The following MARCHF9 variants were observed in gnomAD, a reference collection of about 807,000 sequenced individuals.
The protein encoded by MARCHF9 is membrane associated ring-CH-type finger 9, also known as E3 ubiquitin-protein ligase MARCHF9.
A neutral mutation model predicts 35.2 loss-of-function variants in MARCHF9; 17 were observed. The ratio of observed to expected loss-of-function variants is 0.48; its 90% CI spans 0.33 to 0.72. MARCHF9 has a LOEUF of 0.72. Ranked by LOEUF, MARCHF9 falls within the 30% of genes least tolerant of loss-of-function variation. MARCHF9 has a pLI of 0.02. For missense variants in MARCHF9, 386 were observed against 478.2 expected (o/e 0.81, Z 1.80); for synonymous variants, 183 against 207.4 (o/e 0.88, Z 1.01).
chr12:57,757,727 G>T, intron 2 of MARCHF9: 2 of 530,620 alleles, frequency 3.8e-6, no homozygotes, highest in East Asian at 3.1e-5. Context: ...GTCAAGTTTT[G>T]GTGTGTATTA....
At position 57,758,050 on chromosome 12, in the gene MARCHF9, C is replaced by A. The variant is rs759095726; in HGVS notation, c.514-58C>A. The A allele has an allele frequency of 2.5e-6, 4 of 1,583,956 alleles. No individual in the cohort carries two copies. The highest frequency in any genetic ancestry group is 3.5e-6 in the Non-Finnish European group (4 of 1,152,958). On this transcript the variant is annotated intron_variant, in intron 2 of 3. Transcript: ENST00000266643. The surrounding 1 kb of genome is among the most constrained non-coding windows in gnomAD (Gnocchi z 5.4). ...GGAGCACCCTGCTCTTCAGGGCCACCCATCACCTGGCCCTCCATCCCTTTC... is the reference window on the plus strand; with the variant it reads ...GGAGCACCCTGCTCTTCAGGGCCACACATCACCTGGCCCTCCATCCCTTTC...
Position 57,758,886 on chromosome 12 carries a change from A to G in MARCHF9, c.1030A>G (p.Thr344Ala). 1 of 1,593,090 alleles carries G rather than the reference A, an allele frequency of 6.3e-7. No individual in the cohort carries two copies. The highest frequency in any genetic ancestry group is 8.6e-7 in the Non-Finnish European group (1 of 1,166,494). The change falls in exon 4 of 4, where the codon ACT (threonine) becomes GCT (alanine). Residue 344 changes from threonine (T) to alanine (A), a missense_variant. This residue lies in a region of MARCHF9 where 111 missense variants were observed against 112.4 expected (regional missense o/e 0.99). Transcript: ENST00000266643. The surrounding 1 kb of genome is among the most constrained non-coding windows in gnomAD (Gnocchi z 5.4). Reference sequence around the variant, plus strand: ...TGGCCGAGAGGTTGTCATGAGGGTCACTACAGTCTGAACTGGACTCCAGGA... The same window carrying G: ...TGGCCGAGAGGTTGTCATGAGGGTCGCTACAGTCTGAACTGGACTCCAGGA... ...HSGREVVMRVTTV is the reference protein window; with the variant it reads ...HSGREVVMRVATV
chr12:57,758,899 C>T lies in MARCHF9; in HGVS notation c.*2C>T, dbSNP rs779837575. ...GTCATGAGGGTCACTACAGTCTGAACTGGACTCCAGGAGCAGGGATCTTGA... is the reference window on the plus strand; with the variant it reads ...GTCATGAGGGTCACTACAGTCTGAATTGGACTCCAGGAGCAGGGATCTTGA... On this transcript the variant is annotated 3_prime_UTR_variant, in exon 4 of 4. Transcript: ENST00000266643. The surrounding 1 kb of genome is among the most constrained non-coding windows in gnomAD (Gnocchi z 5.4). 1.9e-6 allele frequency: 3 copies of T among 1,575,698 alleles called. No homozygotes were observed. Among genetic ancestry groups the T allele is most frequent in the Non-Finnish European group, 1.7e-6 (2 of 1,156,728 alleles).
rs756552594 is a variant in MARCHF9, at chr12:57,755,561, C to T, written c.33C>T (p.Asn11=). The change falls in exon 1 of 4, where the codon AAC becomes AAT. Residue 11 remains asparagine (N), a synonymous_variant. Coordinates refer to ENST00000266643, the MANE Select transcript of MARCHF9 (RefSeq NM_138396.6). MLKSRLRMFL[N]ELKLLVLTGG... ...AGTCTCGGCTCCGCATGTTTCTGAA[C>T]GAGCTGAAGCTGCTGGTGCTGACAG... The T allele has an allele frequency of 7.4e-7, 1 of 1,342,510 alleles. No homozygotes were observed. Among genetic ancestry groups the T allele is most frequent in the South Asian group, 1.5e-5 (1 of 67,268 alleles). 83.2% of individuals were successfully genotyped at this position (1,342,510 alleles called of 1,614,324 possible).
chr12:57,758,749 G>GC lies in MARCHF9; in HGVS notation c.899dup (p.Ala301SerfsTer91), dbSNP rs1955302399. 6.2e-7 allele frequency: 1 copy of GC among 1,611,394 alleles called. No individual in the cohort carries two copies. Among genetic ancestry groups the GC allele is most frequent in the Non-Finnish European group, 8.5e-7 (1 of 1,178,918 alleles). On this transcript the variant is annotated frameshift_variant, in exon 4 of 4. Coordinates refer to ENST00000266643, the MANE Select transcript of MARCHF9 (RefSeq NM_138396.6). LOFTEE classifies it high-confidence loss of function. This position sits in a 1 kb window ranked among gnomAD's most constrained non-coding sequence, Gnocchi z 5.4. The stretch of plus-strand genomic sequence containing the variant: ...GGCCCCACCTCTGGGGCCACGAGCC[G>GC]CCCCCCAGCTGCCCAGCGCATGCGG...
rs148050460 is a variant in MARCHF9, at chr12:57,758,723, G to A, written c.867G>A (p.Thr289=). The A allele has an allele frequency of 4.8e-5, 77 of 1,610,258 alleles. No individual in the cohort carries two copies. The African/African-American group carries it at 8.9e-4, about 19-fold the overall frequency. The change falls in exon 4 of 4, where the codon ACG becomes ACA. Residue 289 remains threonine, a synonymous_variant. Coordinates refer to ENST00000266643, the MANE Select transcript of MARCHF9 (RefSeq NM_138396.6). The surrounding 1 kb of genome is among the most constrained non-coding windows in gnomAD (Gnocchi z 5.4). ...AGKSGPRNSR[T]GPTSGATSRP... ...AGTCAGGCCCCAGGAACTCACGGAC[G>A]GGCCCCACCTCTGGGGCCACGAGCC... is the stretch of plus-strand genomic sequence containing the variant.
intron 1 of MARCHF9, 127 bp from the exon 2 acceptor site, chr12:57,756,802 G>C (rs1955290198): frequency 9.9e-7 from 1 of 1,011,310 alleles, no homozygotes. Context: ...GCCCTGTCTT[G>C]GGTGAAAGGC....
intron 1 of MARCHF9, among the ~76,000 whole-genome samples, chr12:57,756,517 G>T (rs1376506514): frequency 6.6e-6 from 1 of 151,988 alleles, no homozygotes; most frequent in East Asian, 1.9e-4. Flanking sequence ...CCCAGTTTGC[G>T]CCAGATCTGT....
In MARCHF9 at chr12:57,758,750, C is replaced by T; in HGVS notation, c.894C>T (p.Arg298=). ...GCCCCACCTCTGGGGCCACGAGCCG[C>T]CCCCCAGCTGCCCAGCGCATGCGGA... The part of the protein sequence containing the change: ...RTGPTSGATS[R]PPAAQRMRTL... Residue 298 remains arginine, a synonymous_variant, in exon 4 of 4, where the codon CGC becomes CGT. Transcript: ENST00000266643. This position sits in a 1 kb window ranked among gnomAD's most constrained non-coding sequence, Gnocchi z 5.4. The T allele has an allele frequency of 3.1e-6, 5 of 1,611,572 alleles. No individual in the cohort carries two copies. Among genetic ancestry groups the T allele is most frequent in the Non-Finnish European group, 8.5e-7 (1 of 1,178,950 alleles).
chr12:57,757,844 A>ATTG (rs1955296763), intron 2 of MARCHF9: 1 of 605,068 alleles, frequency 1.7e-6, no homozygotes, highest in African/African-American at 1.8e-5. Context: ...TTACTTAGCC[A>ATTG]GTAAGTGATG....
At position 57,758,028 on chromosome 12, in the gene MARCHF9, G is replaced by A. The variant is rs762285881; in HGVS notation, c.514-80G>A. On this transcript the variant is annotated intron_variant, in intron 2 of 3. Coordinates refer to ENST00000266643, the MANE Select transcript of MARCHF9 (RefSeq NM_138396.6). The surrounding 1 kb of genome is among the most constrained non-coding windows in gnomAD (Gnocchi z 5.4). ...GAAGGTTTTAGGGAAGGTTCCTGGA[G>A]CACCCTGCTCTTCAGGGCCACCCAT... is the stretch of plus-strand genomic sequence containing the variant. 2 of 1,486,566 alleles carry A rather than the reference G, an allele frequency of 1.3e-6. No homozygotes were observed. The highest frequency in any genetic ancestry group is 1.1e-5 in the South Asian group (1 of 88,542). 92.1% of individuals were successfully genotyped at this position (1,486,566 alleles called of 1,614,324 possible).
rs987226015 is a variant in MARCHF9, at chr12:57,759,223, C to T, written c.*326C>T. 7 of 294,828 alleles carry T rather than the reference C, an allele frequency of 2.4e-5. No homozygotes were observed. The highest frequency in any genetic ancestry group is 9.2e-5 in the Admixed American group (2 of 21,634). 18.3% of individuals were successfully genotyped at this position (294,828 alleles called of 1,614,324 possible). On this transcript the variant is annotated 3_prime_UTR_variant, in exon 4 of 4. Coordinates refer to ENST00000266643, the MANE Select transcript of MARCHF9 (RefSeq NM_138396.6). ...GGCCTCCAGCCCCCCAGCTCCACCA[C>T]GGTGACTTGGTGAAGGGGGACCAAT... is the stretch of plus-strand genomic sequence containing the variant.
rs1285401535 is a variant in MARCHF9 at position 57,755,928 on chromosome 12, G to T, written c.357+43G>T. ...GGCCGGGCGCGGAGGGTGGAGGCGC[G>T]CACCTGGGGTGTCAGCGGAGACCGC... On this transcript the variant is annotated intron_variant, in intron 1 of 3. Transcript: ENST00000266643. 5 of 1,364,162 alleles carry T rather than the reference G, an allele frequency of 3.7e-6. No individual in the cohort carries two copies. In the African/African-American group the frequency reaches 4.6e-5, roughly 13 times the overall value. 84.5% of individuals were successfully genotyped at this position (1,364,162 alleles called of 1,614,324 possible).
At chr12:57,757,265 T>C (rs922104829) in intron 2 of MARCHF9, 181 bp downstream of exon 2, 1 of 567,916 alleles carries the variant, frequency 1.8e-6, no homozygotes, top group African/African-American at 2.0e-5. Flanking sequence ...CACAGAGATA[T>C]TTATTGGGTG....
At position 57,755,576 on chromosome 12, in the gene MARCHF9, G is replaced by A; in HGVS notation, c.48G>A (p.Leu16=). Residue 16 remains leucine (L), a synonymous_variant, in exon 1 of 4, where the codon CTG becomes CTA. Transcript: ENST00000266643. ...TGTTTCTGAACGAGCTGAAGCTGCT[G>A]GTGCTGACAGGCGGGGGGCGGCCCC... ...LRMFLNELKL[L]VLTGGGRPRA... The A allele has an allele frequency of 7.1e-7, 1 of 1,404,450 alleles. No individual in the cohort carries two copies. The highest frequency in any genetic ancestry group is 9.3e-7 in the Non-Finnish European group (1 of 1,075,530). 87.0% of individuals were successfully genotyped at this position (1,404,450 alleles called of 1,614,324 possible).
At chr12:57,756,876 AGT>A in intron 1 of MARCHF9, 51 bp from the exon 2 acceptor site, 1 of 1,415,632 alleles carries the variant, frequency 7.1e-7, no homozygotes, top group Non-Finnish European at 9.3e-7. Context: ...AGCGCGGCTG[AGT>A]GGGGTCGGGG....
chr12:57,757,993 G>A (rs1462693046), intron 2 of MARCHF9, 115 bp from the exon 3 acceptor site: 5 of 1,010,078 alleles, frequency 5.0e-6, no homozygotes, highest in Non-Finnish European at 7.8e-6. Flanking sequence ...GACAGATGTT[G>A]ATCCTGCCTG....
chr12:57,755,482 T>G lies in MARCHF9; in HGVS notation c.-47T>G, dbSNP rs1302406129. 2.4e-3 allele frequency: 202 copies of G among 82,894 alleles called. No homozygotes were observed. The highest frequency in any genetic ancestry group is 0.011 in the Middle Eastern group (2 of 190). 5.1% of individuals were successfully genotyped at this position (82,894 alleles called of 1,614,324 possible). On this transcript the variant is annotated 5_prime_UTR_variant, in exon 1 of 4. Transcript: ENST00000266643. Reference sequence around the variant, plus strand: ...TTGTCCTCTCCCCTCCCCCCGCCGCTAGCGAGCCCCCCTTGCACGCTGCCC... The same window carrying G: ...TTGTCCTCTCCCCTCCCCCCGCCGCGAGCGAGCCCCCCTTGCACGCTGCCC...
intron 2 of MARCHF9, chr12:57,757,325 C>T: frequency 2.7e-6 from 1 of 369,280 alleles, no homozygotes; most frequent in Non-Finnish European, 4.7e-6. Flanking sequence ...TCACCACTCC[C>T]CACCCGCCAC....
Sources: gnomAD v4.1 joint callset for allele counts (sites outside exome capture counted in the v4.1 genomes callset) on GRCh38, gnomAD v4.1.1 for gene constraint, gnomAD v4.1.1 regional missense constraint, Gnocchi (gnomAD v3.1) non-coding constraint, MANE v1.5 for transcripts, NCBI Gene and HGNC (gene_info 2026-07-23, HGNC 2026-07-21) for gene names.